Variants in ADGRE5 observed in about 807,000 individuals in gnomAD.
ADGRE5 encodes the protein CD97 molecule.
In ADGRE5, 72 loss-of-function variants were observed where a neutral mutation model predicts 100.3. The ratio of observed to expected loss-of-function variants is 0.72; its 90% CI spans 0.59 to 0.87. The LOEUF (loss-of-function observed/expected upper bound fraction) is 0.87, where lower values mean the gene tolerates loss of function less well. ADGRE5 is among the 40% of genes least tolerant of loss of function. The pLI is 0.00. For synonymous variants in ADGRE5, 439 were observed against 447.8 expected (o/e 0.98, Z 0.25); for missense variants, 959 against 1,094.7 (o/e 0.88, Z 1.75).
intron 6 of ADGRE5, 165 bp from the exon 7 acceptor site, chr19:14,397,493 A>G (rs1164827110): frequency 1.5e-6 from 1 of 661,134 alleles, no homozygotes; most frequent in African/African-American, 1.8e-5. Flanking sequence ...GCTCATCTGC[A>G]CGGGGCCCAC....
rs550853961 is a variant in ADGRE5, at chr19:14,381,880, C to T, written c.22+335C>T. Reference sequence around the variant, plus strand: ...GGGGCAAAAAGTGAGTGCTGGGACCCTGAGAGCCGCTGTGCTTAATATAAC... The same window carrying T: ...GGGGCAAAAAGTGAGTGCTGGGACCTTGAGAGCCGCTGTGCTTAATATAAC... On this transcript the variant is annotated intron_variant, in intron 1 of 19. Coordinates refer to ENST00000242786, the MANE Select transcript of ADGRE5 (RefSeq NM_078481.4). Among the ~76,000 whole-genome samples, 10 of 150,234 alleles carry T rather than the reference C, an allele frequency of 6.7e-5. No individual in the cohort carries two copies. The South Asian group carries it at 1.7e-3, about 25-fold the overall frequency.
At position 14,404,541 on chromosome 19, in the gene ADGRE5, T is replaced by C. The variant is rs567766805; in HGVS notation, c.1608T>C (p.Leu536=). 1.5e-5 allele frequency: 25 copies of C among 1,613,106 alleles called. No individual in the cohort carries two copies. In the South Asian group the frequency reaches 2.0e-4, roughly 13 times the overall value. Residue 536 remains leucine, a synonymous_variant, in exon 13 of 20, where the codon CTT becomes CTC. Coordinates refer to ENST00000242786, the MANE Select transcript of ADGRE5 (RefSeq NM_078481.4). ...QCSHLSSFAI[L]MAHYDVEDWK... ...GCCACCTGAGCAGCTTTGCGATCCT[T>C]ATGGCTCATTATGACGTGGAGGTAA...
rs886766554 is a variant in ADGRE5, at chr19:14,401,063, G to T, written c.898-323G>T. Reference sequence around the variant, plus strand: ...CGCTTGAGTCTGGGAGGTGGAGGTTGCAGTGAGCTGATTATGCCACTGCAC... The same window carrying T: ...CGCTTGAGTCTGGGAGGTGGAGGTTTCAGTGAGCTGATTATGCCACTGCAC... On this transcript the variant is annotated intron_variant, in intron 9 of 19. Transcript: ENST00000242786. The surrounding 1 kb of genome is among the most constrained non-coding windows in gnomAD (Gnocchi z 4.1). Among the ~76,000 whole-genome samples, 2 of 152,018 alleles carry T rather than the reference G, an allele frequency of 1.3e-5. No homozygotes were observed. The highest frequency in any genetic ancestry group is 4.8e-5 in the African/African-American group (2 of 41,380).
At chr19:14,394,811 T>C (rs115359588) in intron 4 of ADGRE5, among the ~76,000 whole-genome samples, 3,933 of 152,192 alleles carry the variant, frequency 0.026, 167 homozygotes, top group African/African-American at 0.089. Context: ...ACAGGACAAC[T>C]GTCTCCAGCC....
In ADGRE5 at chr19:14,406,252, C is replaced by T; in HGVS notation, c.1822-79C>T. ...GCTGTGGTCCCGCCCACTCTCGGGA[C>T]CTGGCAGGCGACTGGCTCTGGCGCC... On this transcript the variant is annotated intron_variant, in intron 14 of 19. Transcript: ENST00000242786. This position sits in a 1 kb window ranked among gnomAD's most constrained non-coding sequence, Gnocchi z 6.0. 1 of 1,168,500 alleles carries T rather than the reference C, an allele frequency of 8.6e-7. No individual in the cohort carries two copies. The highest frequency in any genetic ancestry group is 1.2e-6 in the Non-Finnish European group (1 of 838,438). The allele number at this position is 1,168,500 out of a possible 1,614,324, so 72.4% of individuals were successfully genotyped here. A position where few individuals can be genotyped will look rare whatever the true frequency, so the allele number is the denominator to read the frequency against.
In ADGRE5 at chr19:14,401,578, T is replaced by G; in HGVS notation, c.1075+15T>G. The G allele has an allele frequency of 6.2e-7, 1 of 1,612,958 alleles. No homozygotes were observed. Among genetic ancestry groups the G allele is most frequent in the Admixed American group, 1.7e-5 (1 of 59,876 alleles). ...TTCGAACACAGGTGAGGCCTTGGCC[T>G]GGCCTGCCCTGCCCCAACCCTGGGC... On this transcript the variant is annotated intron_variant, in intron 10 of 19. Coordinates refer to ENST00000242786, the MANE Select transcript of ADGRE5 (RefSeq NM_078481.4). The surrounding 1 kb of genome is among the most constrained non-coding windows in gnomAD (Gnocchi z 4.1).
Position 14,408,627 on chromosome 19 carries a change from T to G in ADGRE5, c.*506T>G, listed in dbSNP as rs1169354601. 1 of 458,710 alleles carries G rather than the reference T, an allele frequency of 2.2e-6. No individual in the cohort carries two copies. The highest frequency in any genetic ancestry group is 2.0e-5 in the African/African-American group (1 of 51,024). 28.4% of individuals were successfully genotyped at this position (458,710 alleles called of 1,614,324 possible). A position where few individuals can be genotyped will look rare whatever the true frequency, so the allele number is the denominator to read the frequency against. Reference sequence around the variant, plus strand: ...TGCCCTGCCTGGCCGGGCAGGAGGTTCTCACTGTTGTGAAGGTTGTAGACG... The same window carrying G: ...TGCCCTGCCTGGCCGGGCAGGAGGTGCTCACTGTTGTGAAGGTTGTAGACG... On this transcript the variant is annotated 3_prime_UTR_variant, in exon 20 of 20. Coordinates refer to ENST00000242786, the MANE Select transcript of ADGRE5 (RefSeq NM_078481.4).
chr19:14,408,462 C>G lies in ADGRE5; in HGVS notation c.*341C>G, dbSNP rs911905373. 68 of 536,268 alleles carry G rather than the reference C, an allele frequency of 1.3e-4. No individual in the cohort carries two copies. Among genetic ancestry groups the G allele is most frequent in the Admixed American group, 2.2e-4 (7 of 31,918 alleles). The allele number at this position is 536,268 out of a possible 1,614,324, so 33.2% of individuals were successfully genotyped here. On this transcript the variant is annotated 3_prime_UTR_variant, in exon 20 of 20. Transcript: ENST00000242786. The stretch of plus-strand genomic sequence containing the variant: ...CTAAGGGCGCTTGTCCCATCCTGGA[C>G]TTTTCCTCTCATGTCTTTGCTGCAG...
rs1976148255 is a variant in ADGRE5, at chr19:14,404,662, A to C, written c.1629+100A>C. The C allele has an allele frequency of 4.3e-6, 5 of 1,166,844 alleles. No individual in the cohort carries two copies. The South Asian group carries it at 6.8e-5, about 16-fold the overall frequency. The allele number at this position is 1,166,844 out of a possible 1,614,324, so 72.3% of individuals were successfully genotyped here. A position where few individuals can be genotyped will look rare whatever the true frequency, so the allele number is the denominator to read the frequency against. ...CCATGGAGCCCTACTGGTTGCTCAGATATATCTGCATGGTTGCACAGCCCA... is the reference window on the plus strand; with the variant it reads ...CCATGGAGCCCTACTGGTTGCTCAGCTATATCTGCATGGTTGCACAGCCCA... On this transcript the variant is annotated intron_variant, in intron 13 of 19. Coordinates refer to ENST00000242786, the MANE Select transcript of ADGRE5 (RefSeq NM_078481.4).
At chr19:14,391,368 C>A (rs1975596612) in intron 4 of ADGRE5, 2 of 420,106 alleles carry the variant, frequency 4.8e-6, no homozygotes, top group Admixed American at 3.8e-5. Flanking sequence ...GATGTGATAA[C>A]GTTATCATGC....
chr19:14,382,059 C>G (rs1389126142), intron 1 of ADGRE5, among the ~76,000 whole-genome samples: 2 of 152,150 alleles, frequency 1.3e-5, no homozygotes, highest in Non-Finnish European at 2.9e-5. Context: ...GGCTCAGCTG[C>G]GGATCGAAGG....
chr19:14,404,717 TCTTC>T lies in ADGRE5; in HGVS notation c.1629+159_1629+162del, dbSNP rs1976152184. 3.7e-5 allele frequency: 25 copies of T among 668,310 alleles called. No individual in the cohort carries two copies. The South Asian group carries it at 4.9e-4, about 13-fold the overall frequency. The allele number at this position is 668,310 out of a possible 1,614,324, so 41.4% of individuals were successfully genotyped here. A position where few individuals can be genotyped will look rare whatever the true frequency, so the allele number is the denominator to read the frequency against. On this transcript the variant is annotated intron_variant, in intron 13 of 19. Transcript: ENST00000242786. Reference sequence around the variant, plus strand: ...TCCCCACGTCACACCCTTCGCAGCCTCTTCCTTTGGCCTCTTCTCTACAACCCAG... The same window carrying T: ...TCCCCACGTCACACCCTTCGCAGCCTCTTTGGCCTCTTCTCTACAACCCAG...
chr19:14,399,752 A>AC (rs1029767921), intron 9 of ADGRE5, among the ~76,000 whole-genome samples: 2 of 151,964 alleles, frequency 1.3e-5, no homozygotes, highest in African/African-American at 4.8e-5. Context: ...TAAAAAAAAA[A>AC]AAAACAGTTT....
intron 1 of ADGRE5, among the ~76,000 whole-genome samples, chr19:14,385,062 G>A (rs1268668285): frequency 7.0e-5 from 9 of 128,280 alleles, no homozygotes; most frequent in African/African-American, 1.9e-4. Context: ...CCAGGCTGGC[G>A]TGCAGTGGCG....
intron 6 of ADGRE5, 186 bp from the exon 7 acceptor site, chr19:14,397,472 A>G (rs1975825484): frequency 1.6e-6 from 1 of 611,490 alleles, no homozygotes; most frequent in Non-Finnish European, 2.9e-6. Context: ...GTTTCACCAT[A>G]TTCATAACCT....
chr19:14,396,280 C>A (rs189624503), intron 4 of ADGRE5, 62 bp from the exon 5 acceptor site: 2 of 1,613,490 alleles, frequency 1.2e-6, no homozygotes, highest in African/African-American at 1.3e-5. Flanking sequence ...ACATGGCGGA[C>A]CCTCAGCCCT....
At position 14,401,781 on chromosome 19, in the gene ADGRE5, G is replaced by T; in HGVS notation, c.1183+21G>T. ...TCCAGGTAGCAGCGGTGGTCTGGAG[G>T]GGGAGCCCGTGGGAGAGAGATGGAG... is the stretch of plus-strand genomic sequence containing the variant. On this transcript the variant is annotated intron_variant, in intron 11 of 19. Transcript: ENST00000242786. The surrounding 1 kb of genome is among the most constrained non-coding windows in gnomAD (Gnocchi z 4.1). 1 of 1,494,336 alleles carries T rather than the reference G, an allele frequency of 6.7e-7. No homozygotes were observed. The highest frequency in any genetic ancestry group is 9.0e-7 in the Non-Finnish European group (1 of 1,108,016). The allele number at this position is 1,494,336 out of a possible 1,614,324, so 92.6% of individuals were successfully genotyped here.
rs747871864 is a variant in ADGRE5 at position 14,406,574 on chromosome 19, G to A, written c.2048+17G>A. The stretch of plus-strand genomic sequence containing the variant: ...CCCCAGATAGTGAGTGCAGCGAGAT[G>A]GGGCAGGAGGAAGGCGGGGTGCTGG... On this transcript the variant is annotated intron_variant, in intron 15 of 19. Coordinates refer to ENST00000242786, the MANE Select transcript of ADGRE5 (RefSeq NM_078481.4). The surrounding 1 kb of genome is among the most constrained non-coding windows in gnomAD (Gnocchi z 6.0). 4 of 1,605,418 alleles carry A rather than the reference G, an allele frequency of 2.5e-6. No individual in the cohort carries two copies. Among genetic ancestry groups the A allele is most frequent in the Non-Finnish European group, 3.4e-6 (4 of 1,175,798 alleles).
At chr19:14,390,131 G>A (rs1292091801) in intron 3 of ADGRE5, among the ~76,000 whole-genome samples, 3 of 137,696 alleles carry the variant, frequency 2.2e-5, no homozygotes, top group Admixed American at 7.2e-5. Context: ...AGGGAAAGAA[G>A]AGGGAGGGAG....
Sources: allele counts gnomAD v4.1 joint callset (sites outside exome capture counted in the v4.1 genomes callset), GRCh38; gene constraint gnomAD v4.1.1; non-coding constraint Gnocchi (gnomAD v3.1); transcripts MANE v1.5; gene names NCBI Gene and HGNC (gene_info 2026-07-23, HGNC 2026-07-21).